Variants in TTLL5 observed in about 807,000 individuals in gnomAD.
The protein encoded by TTLL5 is tubulin polyglutamylase TTLL5.
A neutral mutation model predicts 168.4 loss-of-function variants in TTLL5; 132 were observed. The ratio of observed to expected loss-of-function variants is 0.78; its 90% CI spans 0.68 to 0.91. The LOEUF is 0.91. Among genes scored for constraint, TTLL5 ranks in the 40% least tolerant of loss-of-function variants. The pLI is 0.00. For missense variants in TTLL5, 1,545 were observed against 1,581.5 expected, an observed-to-expected ratio of 0.98 and a Z score of 0.39; for synonymous variants, 546 against 558.6, an observed-to-expected ratio of 0.98 and a Z score of 0.32.
chr14:75,720,035 A>G (rs963468064), intron 11 of TTLL5, among the ~76,000 whole-genome samples: 3 of 152,206 alleles, frequency 2.0e-5, no homozygotes, highest in African/African-American at 4.8e-5. Flanking sequence ...TCTGAAAGAC[A>G]TAACTTTTTC....
At chr14:75,811,367 G>T (rs149559095) in intron 27 of TTLL5, among the ~76,000 whole-genome samples, 1 of 151,588 alleles carries the variant, frequency 6.6e-6, no homozygotes, top group African/African-American at 2.4e-5. Flanking sequence ...CTTCTATGAC[G>T]CGAAGCTTTT....
intron 22 of TTLL5, 39 bp downstream of exon 22, chr14:75,775,669 A>G: frequency 6.2e-7 from 1 of 1,610,312 alleles, no homozygotes; most frequent in Non-Finnish European, 8.5e-7. Context: ...TTGGATTGCC[A>G]TACACTGTCA....
intron 29 of TTLL5, among the ~76,000 whole-genome samples, chr14:75,876,175 C>T (rs1323060480): frequency 6.6e-6 from 1 of 152,192 alleles, no homozygotes; most frequent in African/African-American, 2.4e-5. Flanking sequence ...GTTTCACTGG[C>T]TTTTGTGGTC....
At chr14:75,687,880 A>G (rs1885182574) in intron 5 of TTLL5, among the ~76,000 whole-genome samples, 1 of 152,220 alleles carries the variant, frequency 6.6e-6, no homozygotes, top group Non-Finnish European at 1.5e-5. Context: ...TTAAAACTAT[A>G]CAAAGTATCA....
chr14:75,854,038 GT>G (rs979218871), intron 28 of TTLL5, among the ~76,000 whole-genome samples: 2 of 150,830 alleles, frequency 1.3e-5, no homozygotes, highest in Non-Finnish European at 3.0e-5. Flanking sequence ...GCAAGACTCC[GT>G]CTCAAAAAAA....
intron 6 of TTLL5, among the ~76,000 whole-genome samples, chr14:75,697,606 G>C (rs916249045): frequency 6.6e-6 from 1 of 152,162 alleles, no homozygotes; most frequent in African/African-American, 2.4e-5. Flanking sequence ...GAAAGAAAAG[G>C]AGACAAGTAG....
At chr14:75,887,748 C>G (rs1411236112) in intron 30 of TTLL5, among the ~76,000 whole-genome samples, 1 of 152,156 alleles carries the variant, frequency 6.6e-6, no homozygotes, top group Admixed American at 6.5e-5. Context: ...AATGGCAGAT[C>G]AATTATCCTA....
chr14:75,717,760 T>G, intron 9 of TTLL5, 101 bp from the exon 10 acceptor site: 1 of 1,094,482 alleles, frequency 9.1e-7, no homozygotes, highest in Non-Finnish European at 1.3e-6. Flanking sequence ...TGTTAGGTAA[T>G]GATATTACCC....
At chr14:75,770,593 A>G (rs1040224943) in intron 20 of TTLL5, among the ~76,000 whole-genome samples, 2 of 152,224 alleles carry the variant, frequency 1.3e-5, no homozygotes, top group Non-Finnish European at 2.9e-5. Context: ...GGCCTGAAAG[A>G]AAACAGATCT....
intron 7 of TTLL5, among the ~76,000 whole-genome samples, chr14:75,702,903 A>C (rs1886380590): frequency 6.6e-6 from 1 of 152,204 alleles, no homozygotes; most frequent in Non-Finnish European, 1.5e-5. Flanking sequence ...CAACATGCGG[A>C]CATAATGGGA....
chr14:75,816,585 C>A (rs1254445845), intron 27 of TTLL5, among the ~76,000 whole-genome samples: 1 of 152,182 alleles, frequency 6.6e-6, no homozygotes, highest in Non-Finnish European at 1.5e-5. Context: ...CAGACGATAT[C>A]ATTTATACTA....
chr14:75,900,309 C>T (rs2032867962), intron 30 of TTLL5, among the ~76,000 whole-genome samples: 1 of 152,146 alleles, frequency 6.6e-6, no homozygotes, highest in Non-Finnish European at 1.5e-5. Flanking sequence ...GGGTAGGCCC[C>T]AAATTGCTTG....
At chr14:75,805,581 T>C (rs922492756) in intron 27 of TTLL5, among the ~76,000 whole-genome samples, 5 of 152,354 alleles carry the variant, frequency 3.3e-5, no homozygotes, top group Admixed American at 1.3e-4. Context: ...ATATCTTTAG[T>C]TTGAGCCTTT....
chr14:75,698,381 TCCA>T (rs1886016365), intron 6 of TTLL5, among the ~76,000 whole-genome samples: 1 of 152,216 alleles, frequency 6.6e-6, no homozygotes, highest in Admixed American at 6.5e-5. Context: ...GTCCTTCCTC[TCCA>T]CTGGCACATT....
rs537693885 is a variant in TTLL5 at position 75,798,462 on chromosome 14, T to G, written c.3171+5362T>G. On this transcript the variant is annotated intron_variant, in intron 27 of 31. Coordinates refer to ENST00000298832, the MANE Select transcript of TTLL5 (RefSeq NM_015072.5). ...GTTTTTTTGTTTGTATCAATTTTAT[T>G]TAGTTATGCTCTGATCTTTGTTATT... is the stretch of plus-strand genomic sequence containing the variant. 2.0e-5 allele frequency among the ~76,000 whole-genome samples: 3 copies of G among 152,190 alleles called. No homozygotes were observed. The East Asian group carries it at 5.8e-4, about 29-fold the overall frequency.
intron 3 of TTLL5, among the ~76,000 whole-genome samples, chr14:75,680,631 T>TTC (rs1555381101): frequency 6.9e-6 from 1 of 145,676 alleles, no homozygotes; most frequent in African/African-American, 2.6e-5. Context: ...TTTTTTTTTT[T>TTC]TTTTTTTTGA....
At chr14:75,665,413 T>A (rs1001713008) in intron 2 of TTLL5, among the ~76,000 whole-genome samples, 5 of 152,190 alleles carry the variant, frequency 3.3e-5, no homozygotes, top group Admixed American at 6.5e-5. Flanking sequence ...GTGTGAGGTG[T>A]CATCATTTAG....
intron 31 of TTLL5, among the ~76,000 whole-genome samples, chr14:75,923,631 T>C (rs2033904120): frequency 6.6e-6 from 1 of 152,200 alleles, no homozygotes; most frequent in African/African-American, 2.4e-5. Context: ...TACTTCCAAT[T>C]ATGTGGTCAA....
rs182786403 is a variant in TTLL5, at chr14:75,864,580, A to G, written c.3522+718A>G. ...CTATATAAGTATATAGCACTAATAT[A>G]TTAGTATGGCCCCAATTGTAGAGAA... On this transcript the variant is annotated intron_variant, in intron 29 of 31. Transcript: ENST00000298832. Among the ~76,000 whole-genome samples the G allele has an allele frequency of 1.3e-3, 196 of 152,262 alleles. 2 individuals carry two copies. The Middle Eastern group carries it at 0.027, about 21-fold the overall frequency.
Sources: allele counts gnomAD v4.1 joint callset (sites outside exome capture counted in the v4.1 genomes callset), GRCh38; gene constraint gnomAD v4.1.1; transcripts MANE v1.5; gene names NCBI Gene and HGNC (gene_info 2026-07-23, HGNC 2026-07-21).